Variants in HSPA12A observed in about 807,000 individuals in gnomAD.
HSPA12A encodes the protein heat shock 70 kDa protein 12A.
A neutral mutation model predicts 69.2 loss-of-function variants in HSPA12A; 28 were observed. The observed-to-expected ratio is 0.40, with a 90% CI of 0.30 to 0.55. The LOEUF is 0.55. Ranked by LOEUF, HSPA12A falls within the 20% of genes least tolerant of loss-of-function variation. The probability of loss-of-function intolerance (pLI) is 0.38; values close to 1 mark genes in which losing one functional copy is unlikely to be tolerated. For missense variants in HSPA12A, 686 were observed against 900.7 expected (o/e 0.76, Z 3.05); for synonymous variants, 345 against 370.5 (o/e 0.93, Z 0.79).
At chr10:116,714,936 C>G (rs929941676) in intron 1 of HSPA12A, among the ~76,000 whole-genome samples, 2 of 152,348 alleles carry the variant, frequency 1.3e-5, no homozygotes, top group South Asian at 4.1e-4. Context: ...TCAGCCTCCT[C>G]TTTTAAGAGA....
intron 2 of HSPA12A, among the ~76,000 whole-genome samples, chr10:116,825,304 G>T (rs534902507): frequency 6.6e-6 from 1 of 152,160 alleles, no homozygotes; most frequent in Admixed American, 6.5e-5. Context: ...GAGCTCAGGA[G>T]TTCAAGACCA....
chr10:116,785,485 C>T (rs900976903), intron 2 of HSPA12A, among the ~76,000 whole-genome samples: 1 of 152,100 alleles, frequency 6.6e-6, no homozygotes, highest in African/African-American at 2.4e-5. Flanking sequence ...CTGACCCCAG[C>T]CCCAGGACGG....
At chr10:116,700,857 G>A in intron 4 of HSPA12A, 86 bp downstream of exon 4, 1 of 1,372,822 alleles carries the variant, frequency 7.3e-7, no homozygotes, top group East Asian at 2.3e-5. Flanking sequence ...CCTGGGTTGG[G>A]AGGACATCCC....
At chr10:116,792,949 C>G (rs963253726) in intron 2 of HSPA12A, among the ~76,000 whole-genome samples, 3 of 152,070 alleles carry the variant, frequency 2.0e-5, no homozygotes, top group Non-Finnish European at 4.4e-5. Flanking sequence ...ATATAGATAA[C>G]CTCCAACAGA....
At chr10:116,804,378 T>A (rs1341682505) in intron 2 of HSPA12A, among the ~76,000 whole-genome samples, 2 of 152,154 alleles carry the variant, frequency 1.3e-5, no homozygotes, top group East Asian at 3.9e-4. Context: ...ATTTGAGGGG[T>A]TGGGCCTTCG....
intron 1 of HSPA12A, among the ~76,000 whole-genome samples, chr10:116,740,696 G>A (rs1369287041): frequency 1.8e-4 from 22 of 120,024 alleles, no homozygotes; most frequent in Non-Finnish European, 5.3e-5. Flanking sequence ...GTGTGTGTGT[G>A]CGTGTGTGTG....
chr10:116,799,381 G>A (rs1844905998), intron 2 of HSPA12A, among the ~76,000 whole-genome samples: 1 of 152,194 alleles, frequency 6.6e-6, no homozygotes, highest in Admixed American at 6.5e-5. Context: ...TGAACAGCGT[G>A]TCAATACTGC....
intron 2 of HSPA12A, among the ~76,000 whole-genome samples, chr10:116,821,398 C>T (rs1295834530): frequency 1.3e-5 from 2 of 152,150 alleles, no homozygotes; most frequent in Non-Finnish European, 2.9e-5. Context: ...GATGACCCAC[C>T]TTCCCTCAGG....
Position 116,705,297 on chromosome 10 carries a change from G to T in HSPA12A, c.127-19C>A. On this transcript the variant is annotated intron_variant, in intron 2 of 11. Coordinates refer to ENST00000369209, the MANE Select transcript of HSPA12A (RefSeq NM_025015.3). ...TGTCGTTCTGCAGATATACAGTGAG[G>T]CATGGGGGGTGTGGAGGGGTGGGCC... The T allele has an allele frequency of 6.2e-7, 1 of 1,613,902 alleles. No individual in the cohort carries two copies. Among genetic ancestry groups the T allele is most frequent in the African/African-American group, 1.3e-5 (1 of 75,058 alleles).
intron 1 of HSPA12A, among the ~76,000 whole-genome samples, chr10:116,730,947 G>C (rs955803444): frequency 6.6e-6 from 1 of 152,214 alleles, no homozygotes; most frequent in Non-Finnish European, 1.5e-5. Flanking sequence ...ACGTTTCCTG[G>C]GGGAGAAGCC....
At chr10:116,693,948 G>T (rs1849808786) in intron 5 of HSPA12A, among the ~76,000 whole-genome samples, 1 of 152,164 alleles carries the variant, frequency 6.6e-6, no homozygotes. Context: ...ATCATATTTT[G>T]TTTCCTTGCA....
chr10:116,839,067 T>C (rs1484372291), intron 1 of HSPA12A, among the ~76,000 whole-genome samples: 1 of 152,246 alleles, frequency 6.6e-6, no homozygotes, highest in East Asian at 1.9e-4. Flanking sequence ...ACAGTCAGGC[T>C]AGCGGGTAAC....
intron 2 of HSPA12A, among the ~76,000 whole-genome samples, chr10:116,789,897 C>T (rs1844664862): frequency 6.6e-6 from 1 of 151,992 alleles, no homozygotes. Context: ...TAAGGTCTTG[C>T]TTCCATTTAT....
chr10:116,786,426 C>T (rs1481846860), intron 2 of HSPA12A, among the ~76,000 whole-genome samples: 1 of 146,498 alleles, frequency 6.8e-6, no homozygotes, highest in East Asian at 2.0e-4. Flanking sequence ...CGTGTGTGCA[C>T]ATTTTCCTGA....
chr10:116,705,307 T>A (rs1589645785), intron 2 of HSPA12A, 29 bp from the exon 3 acceptor site: 1 of 1,611,716 alleles, frequency 6.2e-7, no homozygotes. Flanking sequence ...GCATGGGGGG[T>A]GTGGAGGGGT....
In HSPA12A at chr10:116,705,182, T is replaced by C. The variant is rs1554882214; in HGVS notation, c.223A>G (p.Thr75Ala). 7 of 1,614,030 alleles carry C rather than the reference T, an allele frequency of 4.3e-6. No homozygotes were observed. Among genetic ancestry groups the C allele is most frequent in the East Asian group, 2.2e-5 (1 of 44,878 alleles). ...TTSSGYAYSFTKEPECIHVMR... is the reference protein window; with the variant it reads ...TTSSGYAYSFAKEPECIHVMR... ...ACATGGATGCATTCCGGCTCCTTGG[T>C]GAAGCTGTAGGCATAGCCACTGGAT... Residue 75 changes from threonine to alanine, a missense_variant, in exon 3 of 12, where the codon ACC becomes GCC. By Grantham distance (58) the Thr-to-Ala change is moderately conservative. Transcript: ENST00000369209.
rs1324344813 is a variant in HSPA12A at position 116,674,820 on chromosome 10, C to T, written c.1989G>A (p.Ser663=). The T allele has an allele frequency of 1.2e-5, 20 of 1,611,714 alleles. No homozygotes were observed. The highest frequency in any genetic ancestry group is 1.4e-5 in the Non-Finnish European group (16 of 1,179,058). ...IKATAIDIAT[S]KSVKVGIDFL... is the part of the protein sequence containing the mutation. ...AGTCGATCCCAACTTTGACACTCTT[C>T]GAAGTGGCTATATCAATGGCTGTGG... Residue 663 remains serine (S), a synonymous_variant, in exon 12 of 12, where the codon TCG becomes TCA. Coordinates refer to ENST00000369209, the MANE Select transcript of HSPA12A (RefSeq NM_025015.3).
chr10:116,838,124 T>C (rs962928765), intron 1 of HSPA12A, among the ~76,000 whole-genome samples: 1 of 152,136 alleles, frequency 6.6e-6, no homozygotes, highest in Non-Finnish European at 1.5e-5. Context: ...CACACGACAA[T>C]TTCTAGTAGC....
chr10:116,821,485 T>C (rs1046752381), intron 2 of HSPA12A, among the ~76,000 whole-genome samples: 1 of 152,180 alleles, frequency 6.6e-6, no homozygotes, highest in African/African-American at 2.4e-5. Context: ...TTCTAGCCCA[T>C]CATTCTTTAT....
Sources: gnomAD v4.1 joint callset for allele counts (sites outside exome capture counted in the v4.1 genomes callset) on GRCh38, gnomAD v4.1.1 for gene constraint, MANE v1.5 for transcripts, NCBI Gene and HGNC (gene_info 2026-07-23, HGNC 2026-07-21) for gene names.